Variants in MSI2 observed in about 807,000 individuals in gnomAD.
MSI2 encodes musashi RNA binding protein 2, also known as RNA-binding protein Musashi homolog 2.
Under a neutral mutation model 45.6 loss-of-function variants are expected in MSI2, and 17 were observed. The ratio of observed to expected loss-of-function variants is 0.37; its 90% CI spans 0.26 to 0.56. The LOEUF is 0.56. MSI2 is among the 20% of genes least tolerant of loss of function. MSI2 has a pLI of 0.77. For missense variants in MSI2, 293 were observed against 444.2 expected (o/e 0.66, Z 3.06); for synonymous variants, 156 against 158.2 (o/e 0.99, Z 0.11).
chr17:57,664,305 G>A (rs1434819256), intron 11 of MSI2, among the ~76,000 whole-genome samples: 2 of 152,186 alleles, frequency 1.3e-5, no homozygotes, highest in Admixed American at 1.3e-4. Flanking sequence ...ATCACTTGAG[G>A]CCAGGAGTTT....
At chr17:57,358,492 A>G (rs879332090) in intron 5 of MSI2, among the ~76,000 whole-genome samples, 14 of 152,186 alleles carry the variant, frequency 9.2e-5, no homozygotes, top group Non-Finnish European at 1.5e-4. Flanking sequence ...CACTAGTACA[A>G]GGATCTTTTG....
At chr17:57,257,165 G>A in intron 2 of MSI2, 27 bp downstream of exon 2, 1 of 1,481,116 alleles carries the variant, frequency 6.8e-7, no homozygotes, top group Non-Finnish European at 9.2e-7. Flanking sequence ...GGGACGCCTG[G>A]GTCCCCCCCT....
At chr17:57,315,986 C>G (rs1272255494) in intron 5 of MSI2, among the ~76,000 whole-genome samples, 1 of 151,918 alleles carries the variant, frequency 6.6e-6, no homozygotes, top group Non-Finnish European at 1.5e-5. Context: ...CAGGAGAGGG[C>G]TTTGAAATCA....
chr17:57,583,248 C>T (rs2088252006), intron 7 of MSI2, among the ~76,000 whole-genome samples: 2 of 152,194 alleles, frequency 1.3e-5, no homozygotes, highest in South Asian at 4.1e-4. Context: ...TTACTGGTTA[C>T]CTGTAAACAG....
In MSI2 at chr17:57,501,276, G is replaced by A. The variant is rs1030096963; in HGVS notation, c.406-28400G>A. ...TAGTCTGGAGGAACGGCTTGACTCC[G>A]GACATCTGCAGGAGTGTTTGCTGTG... On this transcript the variant is annotated intron_variant, in intron 6 of 13. Transcript: ENST00000284073. 2.6e-5 allele frequency among the ~76,000 whole-genome samples: 4 copies of A among 152,324 alleles called. 1 individual carries two copies. The highest frequency in any genetic ancestry group is 4.8e-5 in the African/African-American group (2 of 41,564).
rs1913507493 is a variant in MSI2 at position 57,680,073 on chromosome 17, C to T, written c.*556C>T. 4.4e-6 allele frequency: 1 copy of T among 228,378 alleles called. No individual in the cohort carries two copies. Among genetic ancestry groups the T allele is most frequent in the Non-Finnish European group, 8.7e-6 (1 of 114,994 alleles). 14.1% of individuals were successfully genotyped at this position (228,378 alleles called of 1,614,324 possible). On this transcript the variant is annotated 3_prime_UTR_variant, in exon 14 of 14. Transcript: ENST00000284073. ...TGAATTTTCAGGTGGAACTTTAGCA[C>T]ACACTGAAGCAAAGTTGTGAAGTGC...
chr17:57,563,773 CACACACACACAT>C (rs1470431035), intron 7 of MSI2, among the ~76,000 whole-genome samples: 2 of 151,306 alleles, frequency 1.3e-5, no homozygotes, highest in African/African-American at 2.4e-5. Flanking sequence ...CACACACACA[CACACACACACAT>C]AGGCCTCTGT....
chr17:57,657,170 G>A (rs1259204071), intron 11 of MSI2, among the ~76,000 whole-genome samples: 1 of 152,240 alleles, frequency 6.6e-6, no homozygotes, highest in Non-Finnish European at 1.5e-5. Context: ...GCTGTGGAAA[G>A]AATGTACCAT....
intron 10 of MSI2, among the ~76,000 whole-genome samples, chr17:57,637,093 C>T (rs1909893497): frequency 6.6e-6 from 1 of 152,196 alleles, no homozygotes; most frequent in Admixed American, 6.5e-5. Context: ...ATTACCCCTT[C>T]CCAGATTAGA....
At position 57,323,995 on chromosome 17, in the gene MSI2, C is replaced by T. The variant is rs28526253; in HGVS notation, c.312+61803C>T. On this transcript the variant is annotated intron_variant, in intron 5 of 13. Transcript: ENST00000284073. The stretch of plus-strand genomic sequence containing the variant: ...ACAGTAAAAGGAAGACTAGGTTGTC[C>T]CTGTCCTTAAGGATCACACACACAA... Among the ~76,000 whole-genome samples the T allele has an allele frequency of 4.0e-3, 611 of 152,204 alleles. 3 individuals are homozygous for T. Among genetic ancestry groups the T allele is most frequent in the African/African-American group, 0.014 (578 of 41,498 alleles).
intron 6 of MSI2, among the ~76,000 whole-genome samples, chr17:57,414,721 G>A (rs759678371): frequency 6.6e-6 from 1 of 152,068 alleles, no homozygotes; most frequent in Non-Finnish European, 1.5e-5. Context: ...TTTTAAAATG[G>A]GGCATTAAGA....
chr17:57,446,452 G>T (rs1193835509), intron 6 of MSI2, among the ~76,000 whole-genome samples: 1 of 152,240 alleles, frequency 6.6e-6, no homozygotes, highest in African/African-American at 2.4e-5. Context: ...AAGCAAAACA[G>T]TGGGATGTTC....
intron 6 of MSI2, among the ~76,000 whole-genome samples, chr17:57,507,093 T>C (rs1250394981): frequency 6.6e-6 from 1 of 151,918 alleles, no homozygotes; most frequent in African/African-American, 2.4e-5. Context: ...CCCTTTCTTA[T>C]TTCCCTCCCT....
chr17:57,324,737 C>A (rs1913642734), intron 5 of MSI2, among the ~76,000 whole-genome samples: 1 of 152,222 alleles, frequency 6.6e-6, no homozygotes, highest in Non-Finnish European at 1.5e-5. Context: ...CCTTCACTTT[C>A]TTCCAGCCTC....
intron 5 of MSI2, among the ~76,000 whole-genome samples, chr17:57,387,998 A>T (rs1006089135): frequency 1.3e-5 from 2 of 152,240 alleles, no homozygotes; most frequent in Non-Finnish European, 2.9e-5. Context: ...GCATTACAGG[A>T]TCGGGTTGCC....
the MSI2 span, among the ~76,000 whole-genome samples, chr17:57,691,596 T>G: frequency 6.6e-6 from 1 of 152,214 alleles, no homozygotes; most frequent in Non-Finnish European, 1.5e-5. Flanking sequence ...TTCATGTTTT[T>G]CTGTGTGAGT....
chr17:57,452,875 C>G (rs2085044593), intron 6 of MSI2, among the ~76,000 whole-genome samples: 1 of 152,162 alleles, frequency 6.6e-6, no homozygotes, highest in South Asian at 2.1e-4. Context: ...AGTGCCACAG[C>G]TGAGAGGTGG....
At chr17:57,594,132 T>TCCTGAGG (rs1905077852) in intron 7 of MSI2, among the ~76,000 whole-genome samples, 1 of 152,200 alleles carries the variant, frequency 6.6e-6, no homozygotes, top group Non-Finnish European at 1.5e-5. Context: ...CCCTGTTCCG[T>TCCTGAGG]CCTGAGGACC....
intron 6 of MSI2, among the ~76,000 whole-genome samples, chr17:57,417,936 C>T (rs1775220286): frequency 6.6e-6 from 1 of 152,190 alleles, no homozygotes; most frequent in African/African-American, 2.4e-5. Context: ...ACAATTGTTC[C>T]TTCCTCCCTG....
Sources: gnomAD v4.1 joint callset for allele counts (sites outside exome capture counted in the v4.1 genomes callset) on GRCh38, gnomAD v4.1.1 for gene constraint, MANE v1.5 for transcripts, NCBI Gene and HGNC (gene_info 2026-07-23, HGNC 2026-07-21) for gene names.